Variants in CAMKK1 observed in about 807,000 individuals in gnomAD.
The protein encoded by CAMKK1 is calcium/calmodulin dependent protein kinase kinase 1.
A neutral mutation model predicts 63.5 loss-of-function variants in CAMKK1; 20 were observed. That is an observed-to-expected ratio of 0.32 (90% CI 0.22 to 0.46). The LOEUF (loss-of-function observed/expected upper bound fraction) is 0.46, where lower values mean the gene tolerates loss of function less well. Ranked by LOEUF, CAMKK1 falls within the 20% of genes least tolerant of loss-of-function variation. CAMKK1 has a pLI of 1.00. For synonymous variants in CAMKK1, 253 were observed against 269.0 expected, an observed-to-expected ratio of 0.94 and a Z score of 0.58; for missense variants, 588 against 658.1, an observed-to-expected ratio of 0.89 and a Z score of 1.17.
chr17:3,864,109 C>A (rs1381282394), intron 15 of CAMKK1, among the ~76,000 whole-genome samples: 3 of 151,338 alleles, frequency 2.0e-5, no homozygotes, highest in African/African-American at 7.3e-5. Context: ...CCCACCACCA[C>A]GCCCGGCTAA....
chr17:3,871,984 C>G (rs1380464100), intron 12 of CAMKK1, among the ~76,000 whole-genome samples: 2 of 152,176 alleles, frequency 1.3e-5, no homozygotes, highest in Non-Finnish European at 2.9e-5. Flanking sequence ...AAAAGAGGAG[C>G]CTGGGAGCTC....
Position 3,881,629 on chromosome 17 carries a change from C to A in CAMKK1, c.705G>T (p.Lys235Asn). The change falls in exon 8 of 16, where the codon AAG (lysine) becomes AAT (asparagine). Residue 235 changes from lysine (K) to asparagine (N), a missense_variant and splice_region_variant. Lys to Asn is a moderately conservative substitution (Grantham distance 94). Coordinates refer to ENST00000348335, the MANE Select transcript of CAMKK1 (RefSeq NM_032294.3). ...NLYLVFDLLR[K>N]GPVMEVPCDK... is the part of the protein sequence containing the mutation. ...CCTGATCAGGACGGGGAACTCACCC[C>A]TTTCTCAGGAGGTCAAACACTGAAA... 6.4e-7 allele frequency: 1 copy of A among 1,569,950 alleles called. No homozygotes were observed. The highest frequency in any genetic ancestry group is 8.7e-7 in the Non-Finnish European group (1 of 1,155,604).
At chr17:3,870,827 C>T (rs1235618848) in intron 12 of CAMKK1, among the ~76,000 whole-genome samples, 2 of 151,984 alleles carry the variant, frequency 1.3e-5, no homozygotes, top group Non-Finnish European at 2.9e-5. Context: ...CACCCCTCAG[C>T]AGGGGGTATA....
At chr17:3,871,333 G>GTTTTTTTT (rs71155812) in intron 12 of CAMKK1, among the ~76,000 whole-genome samples, 11 of 110,992 alleles carry the variant, frequency 9.9e-5, no homozygotes, top group Admixed American at 2.0e-4. Flanking sequence ...GTTGTTTTTT[G>GTTTTTTTT]TTTTTTTTTT....
intron 14 of CAMKK1, among the ~76,000 whole-genome samples, 170 bp from the exon 15 acceptor site, chr17:3,866,181 G>T (rs1464206460): frequency 6.6e-6 from 1 of 152,228 alleles, no homozygotes; most frequent in Admixed American, 6.5e-5. Context: ...GCAGCTGGGG[G>T]CATATTCCTG....
intron 12 of CAMKK1, among the ~76,000 whole-genome samples, chr17:3,871,181 T>C (rs2054829908): frequency 6.6e-6 from 1 of 151,768 alleles, no homozygotes; most frequent in South Asian, 2.1e-4. Flanking sequence ...GAGGCCTGAA[T>C]GAGGCAAGGG....
rs1299964867 is a variant in CAMKK1 at position 3,890,217 on chromosome 17, T to A, written c.-44+2722A>T. On this transcript the variant is annotated intron_variant, in intron 1 of 15. Coordinates refer to ENST00000348335, the MANE Select transcript of CAMKK1 (RefSeq NM_032294.3). The surrounding 1 kb of genome is among the most constrained non-coding windows in gnomAD (Gnocchi z 6.5). ...AGCTCCCGCCCCCACCCGGGATGAC[T>A]CAGTCCCCTTGAGGGAGGCCCAGGC... Among the ~76,000 whole-genome samples the A allele has an allele frequency of 6.6e-6, 1 of 152,042 alleles. No homozygotes were observed. Among genetic ancestry groups the A allele is most frequent in the African/African-American group, 2.4e-5 (1 of 41,382 alleles).
rs200206429 is a variant in CAMKK1 at position 3,862,198 on chromosome 17, T to C, written c.*13A>G. 138 of 1,575,040 alleles carry C rather than the reference T, an allele frequency of 8.8e-5. No individual in the cohort carries two copies. The African/African-American group carries it at 1.5e-3, about 18-fold the overall frequency. On this transcript the variant is annotated 3_prime_UTR_variant, in exon 16 of 16. Coordinates refer to ENST00000348335, the MANE Select transcript of CAMKK1 (RefSeq NM_032294.3). This position sits in a 1 kb window ranked among gnomAD's most constrained non-coding sequence, Gnocchi z 4.1. The stretch of plus-strand genomic sequence containing the variant: ...GAGTGTGCTGCCGGGTGGCCCTGGG[T>C]GCATGCAGGGGCTCAGGATGCAGCC...
rs570286889 is a variant in CAMKK1 at position 3,883,827 on chromosome 17, C to A, written c.462+57G>T. 1.3e-6 allele frequency: 2 copies of A among 1,567,082 alleles called. No individual in the cohort carries two copies. The highest frequency in any genetic ancestry group is 1.4e-5 in the African/African-American group (1 of 74,062). ...CTCCTAAGCACAACTCCTGCCCCACCCCTCAGGCTTCCAGGGCCTGGCTTG... is the reference window on the plus strand; with the variant it reads ...CTCCTAAGCACAACTCCTGCCCCACACCTCAGGCTTCCAGGGCCTGGCTTG... On this transcript the variant is annotated intron_variant, in intron 4 of 15. Transcript: ENST00000348335. This position sits in a 1 kb window ranked among gnomAD's most constrained non-coding sequence, Gnocchi z 4.7.
rs571797127 is a variant in CAMKK1, at chr17:3,885,678, C to T, written c.10G>A (p.Gly4Ser). 3.7e-6 allele frequency: 6 copies of T among 1,612,922 alleles called. No homozygotes were observed. In the South Asian group the frequency reaches 6.6e-5, roughly 18 times the overall value. MEG[G>S]PAVCCQDPRA... ...GGATCCTGGCAGCAGACAGCTGGACCCCCCTCCATTGCTTCAGTCAAGGGG... is the reference window on the plus strand; with the variant it reads ...GGATCCTGGCAGCAGACAGCTGGACTCCCCTCCATTGCTTCAGTCAAGGGG... The change falls in exon 2 of 16, where the codon GGT (glycine) becomes AGT (serine). Residue 4 changes from glycine to serine, a missense_variant. This residue lies in a region of CAMKK1 where 357 missense variants were observed against 407.4 expected (regional missense o/e 0.88). Transcript: ENST00000348335.
At chr17:3,869,393 C>A in intron 14 of CAMKK1, 94 bp downstream of exon 14, 7 of 1,528,368 alleles carry the variant, frequency 4.6e-6, no homozygotes, top group Admixed American at 1.9e-5. Flanking sequence ...GCTGGCCAGG[C>A]AGGCCTCTGT....
chr17:3,884,246 G>T lies in CAMKK1; in HGVS notation c.408+134C>A. On this transcript the variant is annotated intron_variant, in intron 3 of 15. Coordinates refer to ENST00000348335, the MANE Select transcript of CAMKK1 (RefSeq NM_032294.3). This position sits in a 1 kb window ranked among gnomAD's most constrained non-coding sequence, Gnocchi z 4.5. Reference sequence around the variant, plus strand: ...CCTGGGTACCTGGGTACTTCCCACAGGGCACGAAACTGTCCTCACCTCCAG... The same window carrying T: ...CCTGGGTACCTGGGTACTTCCCACATGGCACGAAACTGTCCTCACCTCCAG... The T allele has an allele frequency of 1.1e-6, 1 of 941,908 alleles. No homozygotes were observed. Among genetic ancestry groups the T allele is most frequent in the Non-Finnish European group, 1.7e-6 (1 of 597,558 alleles). The allele number at this position is 941,908 out of a possible 1,614,324, so 58.3% of individuals were successfully genotyped here. A position where few individuals can be genotyped will look rare whatever the true frequency, so the allele number is the denominator to read the frequency against.
At chr17:3,872,510 G>A (rs767890175) in intron 12 of CAMKK1, 44 bp downstream of exon 12, 18 of 1,531,688 alleles carry the variant, frequency 1.2e-5, no homozygotes, top group Non-Finnish European at 1.5e-5. Context: ...TCAGACACCA[G>A]GAGCGGGTGG....
Position 3,889,069 on chromosome 17 carries a change from G to A in CAMKK1, c.-43-3339C>T, listed in dbSNP as rs531430970. ...TATGCCCAGGGTAGGGGGGTGGTCC[G>A]CGCCCCTGGGGGCCCTGGGAGCCTG... On this transcript the variant is annotated intron_variant, in intron 1 of 15. Coordinates refer to ENST00000348335, the MANE Select transcript of CAMKK1 (RefSeq NM_032294.3). The surrounding 1 kb of genome is among the most constrained non-coding windows in gnomAD (Gnocchi z 5.2). Among the ~76,000 whole-genome samples the A allele has an allele frequency of 6.6e-6, 1 of 152,234 alleles. No homozygotes were observed. Among genetic ancestry groups the A allele is most frequent in the East Asian group, 1.9e-4 (1 of 5,162 alleles).
intron 12 of CAMKK1, among the ~76,000 whole-genome samples, chr17:3,870,222 C>T (rs1055984700): frequency 2.6e-5 from 4 of 152,098 alleles, no homozygotes; most frequent in African/African-American, 4.8e-5. Context: ...TCTCATTTGA[C>T]AGAGGAGGAA....
rs552400379 is a variant in CAMKK1, at chr17:3,892,399, G to C, written c.-44+540C>G. ...CCCAGCCACCAGCCCTGCGCCTCCC[G>C]GGCCCCGAAGCCGCAGCGCCCGCCT... is the stretch of plus-strand genomic sequence containing the variant. On this transcript the variant is annotated intron_variant, in intron 1 of 15. Transcript: ENST00000348335. This position sits in a 1 kb window ranked among gnomAD's most constrained non-coding sequence, Gnocchi z 7.5. 4.6e-5 allele frequency among the ~76,000 whole-genome samples: 7 copies of C among 151,912 alleles called. No homozygotes were observed. Among genetic ancestry groups the C allele is most frequent in the Non-Finnish European group, 8.8e-5 (6 of 67,956 alleles).
chr17:3,865,500 A>G, intron 15 of CAMKK1: 2 of 1,019,862 alleles, frequency 2.0e-6, no homozygotes, highest in Non-Finnish European at 2.4e-6. Context: ...AGCCTCCTAC[A>G]GGAAGCCAAC....
chr17:3,890,764 GTGCCTTC>G lies in CAMKK1; in HGVS notation c.-44+2168_-44+2174del, dbSNP rs776775188. The G allele has an allele frequency of 2.6e-6, 2 of 779,676 alleles. No homozygotes were observed. The highest frequency in any genetic ancestry group is 3.4e-5 in the Admixed American group (2 of 59,016). 48.3% of individuals were successfully genotyped at this position (779,676 alleles called of 1,614,324 possible). A position where few individuals can be genotyped will look rare whatever the true frequency, so the allele number is the denominator to read the frequency against. ...CTGCTGCCAGGCCTCAGTACAAGCT[GTGCCTTC>G]TGCCAGGAACACACCTCCCTCTCCT... On this transcript the variant is annotated intron_variant, in intron 1 of 15. Transcript: ENST00000348335. This position sits in a 1 kb window ranked among gnomAD's most constrained non-coding sequence, Gnocchi z 6.5.
Position 3,883,531 on chromosome 17 carries a change from G to C in CAMKK1, c.463-51C>G. Reference sequence around the variant, plus strand: ...ACTACTGTGCAGCCACCAGGGGCTAGAACAGGCTGGTACATGTGGACTGAG... The same window carrying C: ...ACTACTGTGCAGCCACCAGGGGCTACAACAGGCTGGTACATGTGGACTGAG... On this transcript the variant is annotated intron_variant, in intron 4 of 15. Transcript: ENST00000348335. This position sits in a 1 kb window ranked among gnomAD's most constrained non-coding sequence, Gnocchi z 4.7. The C allele has an allele frequency of 7.0e-7, 1 of 1,432,716 alleles. No homozygotes were observed. Among genetic ancestry groups the C allele is most frequent in the East Asian group, 2.3e-5 (1 of 43,960 alleles). The allele number at this position is 1,432,716 out of a possible 1,614,324, so 88.8% of individuals were successfully genotyped here.
Sources: allele counts gnomAD v4.1 joint callset (sites outside exome capture counted in the v4.1 genomes callset), GRCh38; gene constraint gnomAD v4.1.1; regional missense constraint gnomAD v4.1.1; non-coding constraint Gnocchi (gnomAD v3.1); transcripts MANE v1.5; gene names NCBI Gene and HGNC (gene_info 2026-07-23, HGNC 2026-07-21).